Variants in SPOCK3 observed in about 807,000 individuals in gnomAD.
The protein encoded by SPOCK3 is testican-3.
Under a neutral mutation model 56.6 loss-of-function variants are expected in SPOCK3, and 30 were observed. The observed-to-expected ratio is 0.53, with a 90% CI of 0.40 to 0.72. The LOEUF is 0.72. SPOCK3 is among the 30% of genes least tolerant of loss of function. The pLI is 0.00. For synonymous variants in SPOCK3, 196 were observed against 183.3 expected (o/e 1.07, Z -0.56); for missense variants, 527 against 530.0 (o/e 0.99, Z 0.06).
At chr4:166,888,309 A>G (rs1230857758) in intron 6 of SPOCK3, among the ~76,000 whole-genome samples, 1 of 152,094 alleles carries the variant, frequency 6.6e-6, no homozygotes, top group Non-Finnish European at 1.5e-5. Flanking sequence ...AGGGCATCCA[A>G]TAATAATTAT....
At chr4:167,208,589 T>A (rs1247713355) in intron 2 of SPOCK3, among the ~76,000 whole-genome samples, 2 of 152,138 alleles carry the variant, frequency 1.3e-5, no homozygotes, top group Non-Finnish European at 2.9e-5. Flanking sequence ...CAAATTTAAC[T>A]GGTCTTTATT....
At chr4:167,137,831 T>A (rs1289618454) in intron 2 of SPOCK3, among the ~76,000 whole-genome samples, 1 of 151,764 alleles carries the variant, frequency 6.6e-6, no homozygotes, top group South Asian at 2.1e-4. Context: ...TAAATTCTGA[T>A]GCAAAAAAAA....
intron 10 of SPOCK3, among the ~76,000 whole-genome samples, chr4:166,735,393 G>A (rs190005032): frequency 3.9e-5 from 6 of 152,014 alleles, no homozygotes; most frequent in Admixed American, 3.9e-4. Flanking sequence ...TGTGCATTTT[G>A]CAAAGAATTC....
chr4:166,852,944 T>C (rs556335357), intron 6 of SPOCK3, among the ~76,000 whole-genome samples: 8 of 152,208 alleles, frequency 5.3e-5, no homozygotes, highest in Non-Finnish European at 1.0e-4. Flanking sequence ...ATGAACTGCC[T>C]GTAAAAGTCT....
chr4:167,005,196 G>T (rs1430170929), intron 3 of SPOCK3, among the ~76,000 whole-genome samples: 1 of 151,922 alleles, frequency 6.6e-6, no homozygotes, highest in Non-Finnish European at 1.5e-5. Flanking sequence ...AATGGACAAT[G>T]ATTTTCTTTT....
rs574967810 is a variant in SPOCK3, at chr4:166,896,689, C to T, written c.475-7445G>A. 3.9e-5 allele frequency among the ~76,000 whole-genome samples: 6 copies of T among 152,242 alleles called. No homozygotes were observed. The East Asian group carries it at 7.7e-4, about 20-fold the overall frequency. On this transcript the variant is annotated intron_variant, in intron 5 of 10. Coordinates refer to ENST00000357545, the MANE Select transcript of SPOCK3 (RefSeq NM_001040159.2). ...AATCCAATGTGTCAACATTCTTTGC[C>T]GATTGCCTTTTTCCATGTTTGTAAA...
At chr4:167,162,048 A>G (rs1765366291) in intron 2 of SPOCK3, among the ~76,000 whole-genome samples, 1 of 152,098 alleles carries the variant, frequency 6.6e-6, no homozygotes, top group South Asian at 2.1e-4. Flanking sequence ...AATAATAAAA[A>G]AAAAGAAGAC....
At chr4:166,993,039 C>A (rs1747969451) in intron 4 of SPOCK3, among the ~76,000 whole-genome samples, 1 of 152,144 alleles carries the variant, frequency 6.6e-6, no homozygotes, top group African/African-American at 2.4e-5. Flanking sequence ...AACCCCTGTT[C>A]TCACAGCTGA....
intron 6 of SPOCK3, among the ~76,000 whole-genome samples, chr4:166,800,208 G>GAAAAAAAAAAAAAAAAAAAA (rs1207796263): frequency 8.7e-4 from 98 of 112,950 alleles, no homozygotes; most frequent in East Asian, 5.5e-3. Context: ...AAAAAAAAAT[G>GAAAAAAAAAAAAAAAAAAAA]AAAACATGGA....
At chr4:167,030,960 T>G (rs1752224985) in intron 3 of SPOCK3, among the ~76,000 whole-genome samples, 4 of 152,078 alleles carry the variant, frequency 2.6e-5, no homozygotes, top group Admixed American at 2.6e-4. Flanking sequence ...CTGTGAGATA[T>G]TTGTCATGTG....
chr4:167,003,827 T>C (rs1291276709), intron 3 of SPOCK3, among the ~76,000 whole-genome samples: 2 of 152,224 alleles, frequency 1.3e-5, no homozygotes, highest in African/African-American at 4.8e-5. Context: ...ACACCATCTG[T>C]ATTTTAAACA....
intron 2 of SPOCK3, among the ~76,000 whole-genome samples, chr4:167,091,560 T>C (rs1188834757): frequency 6.6e-6 from 1 of 152,196 alleles, no homozygotes; most frequent in African/African-American, 2.4e-5. Context: ...ATTTAAAATA[T>C]GAAAATTGCT....
chr4:166,992,287 T>A (rs779611669), intron 4 of SPOCK3, among the ~76,000 whole-genome samples: 11 of 152,142 alleles, frequency 7.2e-5, no homozygotes, highest in Non-Finnish European at 1.3e-4. Flanking sequence ...TGTTACCTTA[T>A]CCACATGTTG....
chr4:167,223,016 T>A (rs1736163212), intron 2 of SPOCK3, among the ~76,000 whole-genome samples: 1 of 122,620 alleles, frequency 8.2e-6, no homozygotes, highest in South Asian at 2.3e-4. Flanking sequence ...ATTTTATATA[T>A]GAATATATAA....
chr4:167,217,632 A>G (rs551424185), intron 2 of SPOCK3, among the ~76,000 whole-genome samples: 262 of 152,124 alleles, frequency 1.7e-3, no homozygotes, highest in Middle Eastern at 3.4e-3. Flanking sequence ...AAAACCTAAA[A>G]AATATGCTAC....
rs2126354936 is a variant in SPOCK3 at position 166,737,449 on chromosome 4, A to G, written c.1132+18T>C. On this transcript the variant is annotated intron_variant, in intron 10 of 10. Coordinates refer to ENST00000357545, the MANE Select transcript of SPOCK3 (RefSeq NM_001040159.2). ...TCTGTGCTTAGAAAATTATGAAATAAGTAACCCTTCTCCTTACCACAATCT... is the reference window on the plus strand; with the variant it reads ...TCTGTGCTTAGAAAATTATGAAATAGGTAACCCTTCTCCTTACCACAATCT... 6.2e-7 allele frequency: 1 copy of G among 1,603,570 alleles called. No individual in the cohort carries two copies. Among genetic ancestry groups the G allele is most frequent in the African/African-American group, 1.3e-5 (1 of 74,650 alleles).
chr4:167,158,286 A>G (rs1020550569), intron 2 of SPOCK3, among the ~76,000 whole-genome samples: 2 of 151,992 alleles, frequency 1.3e-5, no homozygotes, highest in African/African-American at 4.8e-5. Flanking sequence ...TATAGTCCTC[A>G]TGTCATCACC....
intron 2 of SPOCK3, among the ~76,000 whole-genome samples, chr4:167,169,856 T>C (rs1730342656): frequency 6.6e-6 from 1 of 152,116 alleles, no homozygotes; most frequent in African/African-American, 2.4e-5. Flanking sequence ...CCCCATACTA[T>C]TCTCGTGGTA....
In SPOCK3 at chr4:166,980,897, C is replaced by T. The variant is rs535939027; in HGVS notation, c.350+19452G>A. On this transcript the variant is annotated intron_variant, in intron 4 of 10. Transcript: ENST00000357545. ...ACCACAGCTCTTCTCTCCTTCCTGT[C>T]ACCCATAATATGGTGAGTGGGGGAG... Among the ~76,000 whole-genome samples the T allele has an allele frequency of 4.6e-5, 7 of 152,312 alleles. No homozygotes were observed. The East Asian group carries it at 1.4e-3, about 29-fold the overall frequency.
Sources: gnomAD v4.1 joint callset for allele counts (sites outside exome capture counted in the v4.1 genomes callset) on GRCh38, gnomAD v4.1.1 for gene constraint, MANE v1.5 for transcripts, NCBI Gene and HGNC (gene_info 2026-07-23, HGNC 2026-07-21) for gene names.